RELCH: variants seen among roughly 807,000 people sequenced by gnomAD.
RELCH encodes RAB11 binding and LisH domain, coiled-coil and HEAT repeat containing, also known as RAB11-binding protein RELCH.
A neutral mutation model predicts 150.3 loss-of-function variants in RELCH; 41 were observed. That is an observed-to-expected ratio of 0.27 (90% CI 0.21 to 0.35). The LOEUF is 0.35. RELCH is among the 10% of genes least tolerant of loss of function. The pLI, the probability that RELCH is intolerant of heterozygous loss-of-function variation, is 1.00. For missense variants in RELCH, 1,092 were observed against 1,467.8 expected, an observed-to-expected ratio of 0.74 and a Z score of 4.18; for synonymous variants, 478 against 531.8, an observed-to-expected ratio of 0.90 and a Z score of 1.39.
intron 28 of RELCH, chr18:62,300,285 C>T (rs909112306): frequency 1.3e-5 from 2 of 152,138 alleles, no homozygotes; most frequent in Non-Finnish European, 2.9e-5. Context: ...CTTCTGTTCT[C>T]CTCAGGTTTT....
intron 2 of RELCH, among the ~76,000 whole-genome samples, chr18:62,219,566 A>G (rs997265104): frequency 1.3e-5 from 2 of 151,536 alleles, no homozygotes; most frequent in Admixed American, 6.6e-5. Flanking sequence ...TACACACTGA[A>G]TGTGTCCAGT....
At chr18:62,268,310 G>A (rs2043698859) in intron 19 of RELCH, among the ~76,000 whole-genome samples, 1 of 151,998 alleles carries the variant, frequency 6.6e-6, no homozygotes, top group African/African-American at 2.4e-5. Context: ...CAGAACTATG[G>A]TTGCATACTT....
intron 10 of RELCH, among the ~76,000 whole-genome samples, chr18:62,240,442 T>A (rs2042092156): frequency 6.7e-6 from 1 of 148,150 alleles, no homozygotes; most frequent in Non-Finnish European, 1.5e-5. Flanking sequence ...AGGGTCTCAC[T>A]CTGTCACCCA....
At chr18:62,202,773 G>A (rs767388327) in intron 1 of RELCH, among the ~76,000 whole-genome samples, 5 of 152,076 alleles carry the variant, frequency 3.3e-5, no homozygotes, top group Admixed American at 6.5e-5. Context: ...TTAGAAGGAA[G>A]ATGAAAAAGA....
chr18:62,216,656 G>A (rs1301191443), intron 2 of RELCH, among the ~76,000 whole-genome samples: 3 of 151,870 alleles, frequency 2.0e-5, no homozygotes, highest in Admixed American at 1.3e-4. Flanking sequence ...TTGGAACAAC[G>A]GTCAATAGTA....
At chr18:62,275,925 C>A (rs2044184878) in intron 22 of RELCH, among the ~76,000 whole-genome samples, 1 of 152,042 alleles carries the variant, frequency 6.6e-6, no homozygotes. Context: ...CGTCACTATT[C>A]CCTAACATTT....
At chr18:62,294,976 G>T (rs1396121305) in intron 27 of RELCH, among the ~76,000 whole-genome samples, 2 of 152,046 alleles carry the variant, frequency 1.3e-5, no homozygotes, top group African/African-American at 4.8e-5. Flanking sequence ...TGGTTTCTTT[G>T]TCAATTATTA....
intron 25 of RELCH, among the ~76,000 whole-genome samples, chr18:62,283,496 C>G (rs557478639): frequency 1.3e-5 from 2 of 152,306 alleles, no homozygotes; most frequent in Admixed American, 6.5e-5. Flanking sequence ...CTCCGGCAGA[C>G]TGTTACATAT....
rs997768628 is a variant in RELCH at position 62,191,026 on chromosome 18, A to G, written c.526+2995A>G. On this transcript the variant is annotated intron_variant, in intron 1 of 28. Coordinates refer to ENST00000644646, the MANE Select transcript of RELCH (RefSeq NM_001346231.2). ...TTCAGCATGTTTTTAAAAGTCATCT[A>G]TGTCTTTGTGTGTATTTCTAGATCA... 3.3e-5 allele frequency among the ~76,000 whole-genome samples: 5 copies of G among 152,142 alleles called. No homozygotes were observed. In the East Asian group the frequency reaches 7.7e-4, roughly 23 times the overall value.
intron 25 of RELCH, among the ~76,000 whole-genome samples, chr18:62,286,586 A>G (rs17719468): frequency 0.043 from 6,616 of 152,124 alleles, 200 homozygotes; most frequent in Middle Eastern, 0.12. Context: ...TCAACCAAGC[A>G]GAGACTAGAA....
rs553281685 is a variant in RELCH at position 62,193,332 on chromosome 18, C to T, written c.526+5301C>T. ...ATCTGCAAAGACAATTTAACTTCCT[C>T]GCCTCCTATTTGAATACCCTTTATT... On this transcript the variant is annotated intron_variant, in intron 1 of 28. Transcript: ENST00000644646. 5.3e-5 allele frequency among the ~76,000 whole-genome samples: 8 copies of T among 152,264 alleles called. No homozygotes were observed. In the South Asian group the frequency reaches 1.2e-3, roughly 24 times the overall value.
chr18:62,264,232 T>A (rs1271630353), intron 17 of RELCH, 87 bp downstream of exon 17: 11 of 1,108,428 alleles, frequency 9.9e-6, no homozygotes, highest in Admixed American at 2.8e-5. Flanking sequence ...ACAAAACTTT[T>A]AAAATGTAAC....
At chr18:62,284,522 G>A (rs772687732) in intron 25 of RELCH, among the ~76,000 whole-genome samples, 22 of 151,788 alleles carry the variant, frequency 1.4e-4, no homozygotes, top group Non-Finnish European at 3.1e-4. Flanking sequence ...TTCCACCTTT[G>A]TACTTACTTC....
intron 10 of RELCH, among the ~76,000 whole-genome samples, chr18:62,240,978 G>C (rs776245066): frequency 6.6e-6 from 1 of 152,000 alleles, no homozygotes; most frequent in Non-Finnish European, 1.5e-5. Context: ...TTTCTTTATG[G>C]TCCAGGACAC....
intron 2 of RELCH, among the ~76,000 whole-genome samples, chr18:62,216,829 G>T (rs1463439911): frequency 6.9e-6 from 1 of 144,968 alleles, no homozygotes; most frequent in Admixed American, 7.1e-5. Context: ...GCTTTATCAG[G>T]ATTAAATAAG....
At chr18:62,201,130 T>C (rs1001555174) in intron 1 of RELCH, among the ~76,000 whole-genome samples, 1 of 151,752 alleles carries the variant, frequency 6.6e-6, no homozygotes, top group African/African-American at 2.4e-5. Flanking sequence ...CATGCCACCA[T>C]GCCCAGCTAA....
chr18:62,307,822 A>G lies in RELCH; in HGVS notation c.*2288A>G, dbSNP rs1303715569. The G allele has an allele frequency of 6.6e-6, 1 of 152,196 alleles. No individual in the cohort carries two copies. The highest frequency in any genetic ancestry group is 2.4e-5 in the African/African-American group (1 of 41,458). The allele number at this position is 152,196 out of a possible 1,614,324, so 9.4% of individuals were successfully genotyped here. On this transcript the variant is annotated 3_prime_UTR_variant, in exon 29 of 29. Transcript: ENST00000644646. ...AGTAATCCAGAGATTAAATTTTTTCAGAAATCCAGAAGTGCCATAATTACT... is the reference window on the plus strand; with the variant it reads ...AGTAATCCAGAGATTAAATTTTTTCGGAAATCCAGAAGTGCCATAATTACT...
Position 62,255,457 on chromosome 18 carries a change from A to C in RELCH, c.1875A>C (p.Gly625=). ...ERRLLVAESC[G]ALAPYLPKEI... Reference sequence around the variant, plus strand: ...GACTGCTTGTGGCAGAATCCTGTGGAGCACTGGCACCTTACCTTCCTGTAA... The same window carrying C: ...GACTGCTTGTGGCAGAATCCTGTGGCGCACTGGCACCTTACCTTCCTGTAA... Residue 625 remains glycine (G), a synonymous_variant, in exon 13 of 29, where the codon GGA becomes GGC. Coordinates refer to ENST00000644646, the MANE Select transcript of RELCH (RefSeq NM_001346231.2). 1 of 1,605,828 alleles carries C rather than the reference A, an allele frequency of 6.2e-7. No individual in the cohort carries two copies. Among genetic ancestry groups the C allele is most frequent in the South Asian group, 1.1e-5 (1 of 89,750 alleles).
At chr18:62,295,296 G>A (rs569134696) in intron 27 of RELCH, among the ~76,000 whole-genome samples, 2 of 148,872 alleles carry the variant, frequency 1.3e-5, no homozygotes, top group African/African-American at 4.9e-5. Context: ...ACAGGCGTGA[G>A]CCACCATCCC....
Sources: gnomAD v4.1 joint callset for allele counts (sites outside exome capture counted in the v4.1 genomes callset) on GRCh38, gnomAD v4.1.1 for gene constraint, MANE v1.5 for transcripts, NCBI Gene and HGNC (gene_info 2026-07-23, HGNC 2026-07-21) for gene names.